Variants in SLC5A4 observed in about 807,000 individuals in gnomAD.
The protein encoded by SLC5A4 is solute carrier family 5 member 4.
SLC5A4 carries 55 observed loss-of-function variants against 70.3 expected under a neutral mutation model. The observed-to-expected ratio is 0.78, with a 90% confidence interval of 0.63 to 0.98. The LOEUF is 0.98. SLC5A4 is among the 50% of genes least tolerant of loss of function. The pLI, the probability that SLC5A4 is intolerant of heterozygous loss-of-function variation, is 0.00. For synonymous variants in SLC5A4, 268 were observed against 305.7 expected, an observed-to-expected ratio of 0.88 and a Z score of 1.29; for missense variants, 735 against 839.2, an observed-to-expected ratio of 0.88 and a Z score of 1.53.
the SLC5A4 span, chr22:32,272,757 G>A: frequency 2.0e-6 from 1 of 510,864 alleles, no homozygotes; most frequent in Middle Eastern, 3.1e-4. Context: ...GGGAGCCACT[G>A]AGGGGCTCAG....
intron 3 of SLC5A4, among the ~76,000 whole-genome samples, chr22:32,249,712 T>C (rs1229683682): frequency 6.6e-6 from 1 of 152,212 alleles, no homozygotes; most frequent in Non-Finnish European, 1.5e-5. Flanking sequence ...TGCACATGCA[T>C]GTACATGAAA....
At chr22:32,316,042 G>A in the SLC5A4 span, among the ~76,000 whole-genome samples, 5 of 150,210 alleles carry the variant, frequency 3.3e-5, no homozygotes, top group Non-Finnish European at 5.9e-5. Context: ...GGTGGTGGGT[G>A]CATGCAGTCC....
At chr22:32,303,691 A>G in the SLC5A4 span, among the ~76,000 whole-genome samples, 41 of 152,308 alleles carry the variant, frequency 2.7e-4, no homozygotes, top group African/African-American at 9.4e-4. Context: ...ACCACGGTTT[A>G]TATCTGTCCA....
the SLC5A4 span, among the ~76,000 whole-genome samples, chr22:32,312,262 C>T: frequency 2.6e-5 from 4 of 152,004 alleles, no homozygotes; most frequent in African/African-American, 9.7e-5. Context: ...GGATGAGAAC[C>T]CCCAGCCAGA....
At chr22:32,303,144 G>A in the SLC5A4 span, among the ~76,000 whole-genome samples, 5 of 152,132 alleles carry the variant, frequency 3.3e-5, no homozygotes, top group Non-Finnish European at 7.4e-5. Context: ...CAAGATTAAG[G>A]ACACACCCAT....
the SLC5A4 span, among the ~76,000 whole-genome samples, chr22:32,328,280 C>T: frequency 1.3e-5 from 2 of 152,120 alleles, no homozygotes; most frequent in Admixed American, 6.6e-5. Context: ...CCAAAGAATC[C>T]ACCTGCAGCT....
chr22:32,332,188 C>T, the SLC5A4 span, among the ~76,000 whole-genome samples: 1 of 152,190 alleles, frequency 6.6e-6, no homozygotes, highest in Non-Finnish European at 1.5e-5. Flanking sequence ...AAGGCAAGTG[C>T]CTCCTGTCAC....
chr22:32,343,881 A>T, the SLC5A4 span, among the ~76,000 whole-genome samples: 2 of 152,218 alleles, frequency 1.3e-5, no homozygotes, highest in Admixed American at 1.3e-4. Context: ...CTGGTTTGTT[A>T]TATTGAACTC....
the SLC5A4 span, among the ~76,000 whole-genome samples, chr22:32,289,488 C>T: frequency 6.6e-6 from 1 of 152,174 alleles, no homozygotes; most frequent in Admixed American, 6.5e-5. Flanking sequence ...ACGCTCCTCT[C>T]CTTTCTGGTT....
At chr22:32,268,912 C>T in the SLC5A4 span, among the ~76,000 whole-genome samples, 1 of 152,150 alleles carries the variant, frequency 6.6e-6, no homozygotes. Context: ...CATTTTTTCT[C>T]TTGAGACAGA....
At position 32,255,330 on chromosome 22, in the gene SLC5A4, G is replaced by C. The variant is rs987270544; in HGVS notation, c.-1C>G. 1.9e-6 allele frequency: 3 copies of C among 1,614,040 alleles called. No homozygotes were observed. In the Admixed American group the frequency reaches 5.0e-5, roughly 27 times the overall value. Reference sequence around the variant, plus strand: ...TGCTGGGGCTAACCGTACTGGCCATGGCTGCAGGCAGTGCTATACCCATTC... The same window carrying C: ...TGCTGGGGCTAACCGTACTGGCCATCGCTGCAGGCAGTGCTATACCCATTC... On this transcript the variant is annotated 5_prime_UTR_variant, in exon 1 of 15. Transcript: ENST00000266086.
the SLC5A4 span, among the ~76,000 whole-genome samples, chr22:32,334,244 T>G: frequency 6.6e-6 from 1 of 152,146 alleles, no homozygotes; most frequent in Non-Finnish European, 1.5e-5. Flanking sequence ...AGGACCCACC[T>G]CTGCCCTCTC....
intron 1 of SLC5A4, 120 bp from the exon 2 acceptor site, chr22:32,254,333 C>A (rs527350486): frequency 8.7e-5 from 61 of 700,654 alleles, no homozygotes; most frequent in Non-Finnish European, 1.4e-4. Flanking sequence ...AGAAACATTT[C>A]GCTGGAAAGT....
the SLC5A4 span, among the ~76,000 whole-genome samples, chr22:32,305,164 TA>T: frequency 2.0e-5 from 3 of 152,106 alleles, no homozygotes; most frequent in South Asian, 4.1e-4. Context: ...TATGTACTTT[TA>T]AAAAAATTTC....
the SLC5A4 span, among the ~76,000 whole-genome samples, chr22:32,310,672 G>A: frequency 6.6e-6 from 1 of 152,214 alleles, no homozygotes. Flanking sequence ...AAAGACTGAG[G>A]CCAGGGGCCT....
chr22:32,345,400 G>C, the SLC5A4 span, among the ~76,000 whole-genome samples: 1 of 152,114 alleles, frequency 6.6e-6, no homozygotes, highest in African/African-American at 2.4e-5. Context: ...GCACATCTAA[G>C]CCATTCAGAA....
the SLC5A4 span, among the ~76,000 whole-genome samples, chr22:32,268,768 GCTCTAGGCCTGTGCTGTC>G: frequency 2.0e-5 from 3 of 152,164 alleles, no homozygotes; most frequent in Non-Finnish European, 4.4e-5. Context: ...GTTAGGTCGT[GCTCTAGGCCTGTGCTGTC>G]TAATGTGGTA....
chr22:32,259,787 T>G (rs770912149), upstream of SLC5A4, among the ~76,000 whole-genome samples: 1 of 152,226 alleles, frequency 6.6e-6, no homozygotes, highest in Non-Finnish European at 1.5e-5. Context: ...TCTTCCTTAA[T>G]TGTTGGGTAC....
the SLC5A4 span, among the ~76,000 whole-genome samples, chr22:32,330,304 T>C: frequency 6.5e-5 from 1 of 15,306 alleles, no homozygotes; most frequent in African/African-American, 3.2e-4. Context: ...GGGGGCTCTG[T>C]TGGGGGCTCT....
Sources: allele counts gnomAD v4.1 joint callset (sites outside exome capture counted in the v4.1 genomes callset), GRCh38; gene constraint gnomAD v4.1.1; transcripts MANE v1.5; gene names NCBI Gene and HGNC (gene_info 2026-07-23, HGNC 2026-07-21).